The following MGAM2 variants were observed in gnomAD, a reference collection of about 807,000 sequenced individuals.
MGAM2 encodes the protein probable maltase-glucoamylase 2.
In MGAM2, 98 loss-of-function variants were observed where a neutral mutation model predicts 96.1. The ratio of observed to expected loss-of-function variants is 1.02; its 90% CI spans 0.87 to 1.21. The LOEUF (loss-of-function observed/expected upper bound fraction) is 1.21. Among genes scored for constraint, MGAM2 ranks in the 50% most tolerant of loss-of-function variants. The pLI is 0.00. For missense variants in MGAM2, 2,055 were observed against 1,182.4 expected, an observed-to-expected ratio of 1.74 and a Z score of -10.82; for synonymous variants, 749 against 414.8, an observed-to-expected ratio of 1.81 and a Z score of -9.79.
chr7:142,120,448 T>A, intron 3 of MGAM2, 67 bp downstream of exon 3: 1 of 678,118 alleles, frequency 1.5e-6, no homozygotes, highest in South Asian at 1.6e-5. Context: ...ATATGTGAAG[T>A]GGGGAAAGGG....
Position 142,198,145 on chromosome 7 carries a change from T to C in MGAM2, c.4873T>C (p.Phe1625Leu). 1.4e-6 allele frequency: 1 copy of C among 702,972 alleles called. No individual in the cohort carries two copies. Among genetic ancestry groups the C allele is most frequent in the Non-Finnish European group, 2.6e-6 (1 of 384,898 alleles). 43.5% of individuals were successfully genotyped at this position (702,972 alleles called of 1,614,324 possible). A position where few individuals can be genotyped will look rare whatever the true frequency, so the allele number is the denominator to read the frequency against. ...TGTCAATTTTATGTTTCAGAGCACATTTGAGATCTCTGCTTATTTTCCGAG... is the reference window on the plus strand; with the variant it reads ...TGTCAATTTTATGTTTCAGAGCACACTTGAGATCTCTGCTTATTTTCCGAG... ...LISPVLETST[F>L]EISAYFPRAR... Residue 1625 changes from phenylalanine (F) to leucine (L), a missense_variant, in exon 43 of 48, where the codon TTT becomes CTT. Physicochemically the swap from Phe to Leu is conservative, Grantham distance 22. Transcript: ENST00000477922.
intron 1 of MGAM2, among the ~76,000 whole-genome samples, chr7:142,113,648 T>C (rs1817251927): frequency 6.6e-6 from 1 of 152,112 alleles, no homozygotes; most frequent in Non-Finnish European, 1.5e-5. Flanking sequence ...TGTTTAAACA[T>C]GTTAAATCTT....
At chr7:142,150,895 A>G (rs1365414231) in intron 15 of MGAM2, among the ~76,000 whole-genome samples, 2 of 152,006 alleles carry the variant, frequency 1.3e-5, no homozygotes, top group Non-Finnish European at 2.9e-5. Context: ...CATGCCTTTC[A>G]TGTGCTATTT....
chr7:142,172,813 A>G, intron 30 of MGAM2, 49 bp downstream of exon 30: 3 of 661,874 alleles, frequency 4.5e-6, no homozygotes, highest in South Asian at 1.7e-5. Context: ...TTTATTGGCT[A>G]TTACCACATT....
At chr7:142,215,106 G>A (rs1346372576) in intron 46 of MGAM2, among the ~76,000 whole-genome samples, 1 of 152,124 alleles carries the variant, frequency 6.6e-6, no homozygotes, top group Non-Finnish European at 1.5e-5. Context: ...ATATACCATG[G>A]AATAGTATGC....
chr7:142,145,757 A>C (rs1795364413), intron 14 of MGAM2, among the ~76,000 whole-genome samples: 1 of 150,638 alleles, frequency 6.6e-6, no homozygotes, highest in African/African-American at 2.4e-5. Context: ...GGTGAGGGAG[A>C]GAGAGGGTGG....
At position 142,160,128 on chromosome 7, in the gene MGAM2, G is replaced by T; in HGVS notation, c.2221-6G>T. On this transcript the variant is annotated splice_polypyrimidine_tract_variant and splice_region_variant and intron_variant, in intron 20 of 47. Transcript: ENST00000477922. Reference sequence around the variant, plus strand: ...TGATCTATCTTTTGTTGTTGTTGCTGATTAGGGAGTGGCCATCTCATGGAG... The same window carrying T: ...TGATCTATCTTTTGTTGTTGTTGCTTATTAGGGAGTGGCCATCTCATGGAG... 1 of 701,064 alleles carries T rather than the reference G, an allele frequency of 1.4e-6. No homozygotes were observed. The highest frequency in any genetic ancestry group is 2.6e-6 in the Non-Finnish European group (1 of 384,098). The allele number at this position is 701,064 out of a possible 1,614,324, so 43.4% of individuals were successfully genotyped here.
At chr7:142,214,377 T>C (rs1797682314) in intron 46 of MGAM2, among the ~76,000 whole-genome samples, 1 of 152,200 alleles carries the variant, frequency 6.6e-6, no homozygotes, top group Admixed American at 6.5e-5. Context: ...TATCTCTATT[T>C]GCAGATGATG....
chr7:142,221,462 G>T lies in MGAM2; in HGVS notation c.6951G>T (p.Met2317Ile). 3.5e-6 allele frequency: 2 copies of T among 573,140 alleles called. No individual in the cohort carries two copies. The highest frequency in any genetic ancestry group is 6.2e-6 in the Non-Finnish European group (2 of 323,920). 35.5% of individuals were successfully genotyped at this position (573,140 alleles called of 1,614,324 possible). ...IPSSITSILS[M>I]FPTSNTFTTD... ...GCTCTATTACTTCTATTTTGAGCAT[G>T]TTTCCAACAAGTAATACATTCACTA... is the stretch of plus-strand genomic sequence containing the variant. Residue 2317 changes from methionine (M) to isoleucine (I), a missense_variant, in exon 48 of 48, where the codon ATG becomes ATT. Coordinates refer to ENST00000477922, the MANE Select transcript of MGAM2 (RefSeq NM_001293626.2).
chr7:142,145,083 AG>A, intron 14 of MGAM2, 138 bp downstream of exon 14: 1 of 589,516 alleles, frequency 1.7e-6, no homozygotes, highest in East Asian at 3.0e-5. Context: ...CCTCTGCCGA[AG>A]TCTCTGCAGC....
In MGAM2 at chr7:142,174,966, G is replaced by A. The variant is rs373732536; in HGVS notation, c.3688-686G>A. ...ACTCCTGATCTCAGGTGATCCACCT[G>A]CCTCGGCCTCCCGAAGTGCTGAGAT... On this transcript the variant is annotated intron_variant, in intron 31 of 47. Transcript: ENST00000477922. Among the ~76,000 whole-genome samples, 14 of 152,106 alleles carry A rather than the reference G, an allele frequency of 9.2e-5. No homozygotes were observed. The East Asian group carries it at 9.7e-4, about 11-fold the overall frequency.
At position 142,147,472 on chromosome 7, in the gene MGAM2, A is replaced by G; in HGVS notation, c.1533A>G (p.Leu511=). The change falls in exon 15 of 48, where the codon TTA becomes TTG. Residue 511 remains leucine, a synonymous_variant. Coordinates refer to ENST00000477922, the MANE Select transcript of MGAM2 (RefSeq NM_001293626.2). The part of the protein sequence containing the change: ...PPFLPRVLDH[L]LFARTLCMDT... ...TCCCTCCAGGAGTTCTGGATCACTT[A>G]CTTTTTGCAAGAACTCTCTGCATGG... 1.4e-6 allele frequency: 1 copy of G among 702,546 alleles called. No homozygotes were observed. The highest frequency in any genetic ancestry group is 2.6e-6 in the Non-Finnish European group (1 of 384,810). The allele number at this position is 702,546 out of a possible 1,614,324, so 43.5% of individuals were successfully genotyped here.
chr7:142,116,932 T>C lies in MGAM2; in HGVS notation c.59T>C (p.Val20Ala), dbSNP rs1445465296. Residue 20 changes from valine (V) to alanine (A), a missense_variant, in exon 2 of 48, where the codon GTG becomes GCG. By Grantham distance (64) the Val-to-Ala change is moderately conservative. Coordinates refer to ENST00000477922, the MANE Select transcript of MGAM2 (RefSeq NM_001293626.2). ...VLLIIFCLIV[V>A]TIDILLLLLV... is the part of the protein sequence containing the mutation. ...CTGATCATCTTCTGCTTAATTGTGG[T>C]GACCATAGATATCCTCTTGCTGCTT... The C allele has an allele frequency of 2.8e-6, 2 of 703,342 alleles. No homozygotes were observed. Among genetic ancestry groups the C allele is most frequent in the East Asian group, 2.7e-5 (1 of 37,286 alleles). 43.6% of individuals were successfully genotyped at this position (703,342 alleles called of 1,614,324 possible).
At chr7:142,216,396 T>C (rs778905875) in intron 46 of MGAM2, among the ~76,000 whole-genome samples, 37 of 152,334 alleles carry the variant, frequency 2.4e-4, no homozygotes, top group Admixed American at 1.2e-3. Flanking sequence ...TAATAACATC[T>C]AACTTCAAAA....
At chr7:142,192,523 C>A (rs1461032678) in intron 37 of MGAM2, among the ~76,000 whole-genome samples, 1 of 151,996 alleles carries the variant, frequency 6.6e-6, no homozygotes, top group African/African-American at 2.4e-5. Flanking sequence ...CTGGGATAAT[C>A]CAGAAAGTCT....
chr7:142,189,481 G>A lies in MGAM2; in HGVS notation c.4322G>A (p.Trp1441Ter). The change falls in exon 37 of 48, where the codon TGG (tryptophan) becomes TAG (stop). Residue 1441 changes from tryptophan to a stop codon, truncating the protein, a stop_gained. Transcript: ENST00000477922. LOFTEE classifies it high-confidence loss of function. ...EHYNVHNLYGWSQTRPTYEAV... is the reference protein window; with the variant it reads ...EHYNVHNLYG ...TACAACGTGCACAACCTGTACGGGTGGTCCCAGACCAGACCCACATACGAG... is the reference window on the plus strand; with the variant it reads ...TACAACGTGCACAACCTGTACGGGTAGTCCCAGACCAGACCCACATACGAG... The A allele has an allele frequency of 2.3e-6, 2 of 863,746 alleles. No homozygotes were observed. The highest frequency in any genetic ancestry group is 3.8e-6 in the Non-Finnish European group (2 of 521,518). 53.5% of individuals were successfully genotyped at this position (863,746 alleles called of 1,614,324 possible).
At chr7:142,199,810 A>G (rs943331542) in intron 44 of MGAM2, 70 bp from the exon 45 acceptor site, 8 of 584,310 alleles carry the variant, frequency 1.4e-5, no homozygotes, top group Non-Finnish European at 2.4e-5. Flanking sequence ...AATGTTTTTA[A>G]CACAGTCTGT....
intron 37 of MGAM2, among the ~76,000 whole-genome samples, chr7:142,191,979 T>C (rs1000795731): frequency 6.6e-6 from 1 of 152,180 alleles, no homozygotes; most frequent in South Asian, 2.1e-4. Flanking sequence ...TTTATCCTTC[T>C]GAGATTTTGC....
chr7:142,213,496 C>T lies in MGAM2; in HGVS notation c.5188-4865C>T, dbSNP rs192656651. Among the ~76,000 whole-genome samples, 6 of 151,726 alleles carry T rather than the reference C, an allele frequency of 4.0e-5. No individual in the cohort carries two copies. The East Asian group carries it at 9.7e-4, about 24-fold the overall frequency. Reference sequence around the variant, plus strand: ...TAAAAAATGGTAGAGAGGAGATCACCGCTGATCCCACAGAAATACAAACTA... The same window carrying T: ...TAAAAAATGGTAGAGAGGAGATCACTGCTGATCCCACAGAAATACAAACTA... On this transcript the variant is annotated intron_variant, in intron 46 of 47. Transcript: ENST00000477922.
Sources: gnomAD v4.1 joint callset for allele counts (sites outside exome capture counted in the v4.1 genomes callset) on GRCh38, gnomAD v4.1.1 for gene constraint, MANE v1.5 for transcripts, NCBI Gene and HGNC (gene_info 2026-07-23, HGNC 2026-07-21) for gene names.